The following ATP10A variants were observed in gnomAD, a reference collection of about 807,000 sequenced individuals.
ATP10A encodes the protein ATPase phospholipid transporting 10A (putative).
ATP10A carries 111 observed loss-of-function variants against 147.8 expected under a neutral mutation model. The observed-to-expected ratio is 0.75, with a 90% CI of 0.64 to 0.88. ATP10A has a LOEUF of 0.88. Ranked by LOEUF, ATP10A falls within the 40% of genes least tolerant of loss-of-function variation. ATP10A has a pLI of 0.00. For missense variants in ATP10A, 1,927 were observed against 1,959.0 expected (o/e 0.98, Z 0.31); for synonymous variants, 875 against 841.6 (o/e 1.04, Z -0.69).
intron 1 of ATP10A, among the ~76,000 whole-genome samples, chr15:25,858,635 G>C (rs1893622209): frequency 6.6e-6 from 1 of 152,150 alleles, no homozygotes; most frequent in South Asian, 2.1e-4. Context: ...ATCAAAGTGA[G>C]GGGAAGAGAC....
intron 10 of ATP10A, chr15:25,710,004 C>G (rs1567320106): frequency 6.6e-6 from 1 of 152,188 alleles, no homozygotes; most frequent in Non-Finnish European, 1.5e-5. Context: ...TACTGGGGAA[C>G]AGAGTGTGGA....
chr15:25,853,873 T>C (rs1198087607), intron 1 of ATP10A, among the ~76,000 whole-genome samples: 1 of 151,574 alleles, frequency 6.6e-6, no homozygotes, highest in Non-Finnish European at 1.5e-5. Flanking sequence ...ACAAGACCAC[T>C]TGTGGTTCCA....
chr15:25,750,677 A>C (rs1157730699), intron 2 of ATP10A, among the ~76,000 whole-genome samples: 2 of 151,514 alleles, frequency 1.3e-5, no homozygotes, highest in East Asian at 3.9e-4. Context: ...TGTATCATAA[A>C]AATAACATTC....
At position 25,680,840 on chromosome 15, in the gene ATP10A, C is replaced by T; in HGVS notation, c.3648G>A (p.Leu1216=). 1 of 1,613,746 alleles carries T rather than the reference C, an allele frequency of 6.2e-7. No homozygotes were observed. The highest frequency in any genetic ancestry group is 2.2e-5 in the East Asian group (1 of 44,866). Residue 1216 remains leucine (L), a synonymous_variant, in exon 19 of 21, where the codon CTG becomes CTA. Transcript: ENST00000555815. The part of the protein sequence containing the change: ...PIVTIALLTF[L]LHLGIETKTW... ...TTTTGGTTTCAATGCCCAGGTGGAG[C>T]AGGAAAGTGAGCAGCGCGATTGTCA...
chr15:25,779,937 G>C (rs1889821253), intron 2 of ATP10A, among the ~76,000 whole-genome samples: 1 of 151,770 alleles, frequency 6.6e-6, no homozygotes, highest in African/African-American at 2.4e-5. Flanking sequence ...CAGTCAGGCA[G>C]ACGCCTGCCG....
chr15:25,702,448 C>T (rs1027732843), intron 12 of ATP10A, among the ~76,000 whole-genome samples: 8 of 152,298 alleles, frequency 5.3e-5, no homozygotes, highest in African/African-American at 1.9e-4. Context: ...GAAGGCAAAG[C>T]GTATGGGAAG....
At chr15:25,798,651 C>T (rs1040456578) in intron 1 of ATP10A, among the ~76,000 whole-genome samples, 1 of 152,262 alleles carries the variant, frequency 6.6e-6, no homozygotes, top group Non-Finnish European at 1.5e-5. Context: ...AGAAGGCACG[C>T]TCTTTTCCTG....
intron 1 of ATP10A, among the ~76,000 whole-genome samples, chr15:25,837,232 A>AACAG (rs753401632): frequency 1.6e-4 from 24 of 152,332 alleles, no homozygotes; most frequent in Non-Finnish European, 2.6e-4. Context: ...CAGGGTTCAC[A>AACAG]ACAGCATTAT....
chr15:25,722,821 C>A (rs889692278), intron 6 of ATP10A, among the ~76,000 whole-genome samples: 1 of 152,214 alleles, frequency 6.6e-6, no homozygotes, highest in Admixed American at 6.5e-5. Flanking sequence ...GACCCCACTG[C>A]CCCCTCGTCC....
At chr15:25,820,037 C>T (rs1472049979) in intron 1 of ATP10A, among the ~76,000 whole-genome samples, 3 of 151,982 alleles carry the variant, frequency 2.0e-5, no homozygotes, top group Non-Finnish European at 4.4e-5. Context: ...CGCTTGTACC[C>T]CTTCAATTTA....
chr15:25,806,168 C>T (rs1269077111), intron 1 of ATP10A, among the ~76,000 whole-genome samples: 1 of 152,122 alleles, frequency 6.6e-6, no homozygotes, highest in Non-Finnish European at 1.5e-5. Context: ...CCTTCCACCT[C>T]CTCCACCTCT....
intron 2 of ATP10A, among the ~76,000 whole-genome samples, chr15:25,748,045 C>G (rs535507652): frequency 1.2e-3 from 182 of 152,204 alleles, no homozygotes; most frequent in African/African-American, 4.3e-3. Flanking sequence ...TCACTGCAAG[C>G]TCTGCCTCCC....
At chr15:25,737,565 A>G (rs1887355358) in intron 2 of ATP10A, among the ~76,000 whole-genome samples, 2 of 152,136 alleles carry the variant, frequency 1.3e-5, no homozygotes, top group Admixed American at 1.3e-4. Context: ...GGGAGGTCCC[A>G]GGCACGGGAC....
chr15:25,855,541 A>AACACACACACACACAC (rs59597825), intron 1 of ATP10A, among the ~76,000 whole-genome samples: 72 of 146,106 alleles, frequency 4.9e-4, no homozygotes, highest in African/African-American at 1.4e-3. Context: ...TATTGGTTAA[A>AACACACACACACACAC]ACACACACAC....
rs28713176 is a variant in ATP10A, at chr15:25,691,339, T to C, written c.3165+376A>G. ...ACAGTGACGCCAGGCTCCACCTACA[T>C]CAAAGGCATTTTTTCAAATGGTATT... On this transcript the variant is annotated intron_variant, in intron 15 of 20. Coordinates refer to ENST00000555815, the MANE Select transcript of ATP10A (RefSeq NM_024490.4). 3.8e-3 allele frequency among the ~76,000 whole-genome samples: 583 copies of C among 152,250 alleles called. 7 individuals carry two copies. The highest frequency in any genetic ancestry group is 0.013 in the African/African-American group (553 of 41,554).
At chr15:25,792,398 C>T (rs907780378) in intron 1 of ATP10A, among the ~76,000 whole-genome samples, 1 of 152,232 alleles carries the variant, frequency 6.6e-6, no homozygotes. Context: ...AGCCCTCCCC[C>T]TGCCCCAGCC....
Position 25,862,632 on chromosome 15 carries a change from C to A in ATP10A, c.449+16G>T. On this transcript the variant is annotated intron_variant, in intron 1 of 20. Coordinates refer to ENST00000555815, the MANE Select transcript of ATP10A (RefSeq NM_024490.4). ...CTGCGCCACCGCGCGCTCGCTCGCCCGCCCGCCCAACTCACCTGCTGAAGA... is the reference window on the plus strand; with the variant it reads ...CTGCGCCACCGCGCGCTCGCTCGCCAGCCCGCCCAACTCACCTGCTGAAGA... The A allele has an allele frequency of 6.5e-7, 1 of 1,542,204 alleles. No individual in the cohort carries two copies. Among genetic ancestry groups the A allele is most frequent in the South Asian group, 1.2e-5 (1 of 80,834 alleles).
intron 3 of ATP10A, among the ~76,000 whole-genome samples, chr15:25,735,557 A>G (rs1887221116): frequency 1.3e-5 from 2 of 152,098 alleles, no homozygotes; most frequent in Admixed American, 6.6e-5. Context: ...TCTTTCCCCC[A>G]AACTAGAATG....
chr15:25,798,956 C>T (rs1012030267), intron 1 of ATP10A, among the ~76,000 whole-genome samples: 75 of 152,158 alleles, frequency 4.9e-4, no homozygotes, highest in African/African-American at 1.7e-3. Flanking sequence ...CAAACTCCCC[C>T]GTCCTCATGT....
Sources: gnomAD v4.1 joint callset for allele counts (sites outside exome capture counted in the v4.1 genomes callset) on GRCh38, gnomAD v4.1.1 for gene constraint, MANE v1.5 for transcripts, NCBI Gene and HGNC (gene_info 2026-07-23, HGNC 2026-07-21) for gene names.